The following SYNPO variants were observed in gnomAD, a reference collection of about 807,000 sequenced individuals.
SYNPO encodes synaptopodin.
Under a neutral mutation model 49.5 loss-of-function variants are expected in SYNPO, and 19 were observed. That is an observed-to-expected ratio of 0.38 (90% confidence interval 0.27 to 0.56). The LOEUF is 0.56. Among genes scored for constraint, SYNPO ranks in the 20% least tolerant of loss-of-function variants. SYNPO has a pLI of 0.68. For synonymous variants in SYNPO, 536 were observed against 548.0 expected (o/e 0.98, Z 0.31); for missense variants, 1,131 against 1,248.3 (o/e 0.91, Z 1.42).
chr5:150,649,663 C>A lies in SYNPO; in HGVS notation c.1388C>A (p.Ala463Asp), dbSNP rs1758277668. Reference protein sequence around the residue: ...ASCLKSPRIQAKPKPKPNQNL... With the variant: ...ASCLKSPRIQDKPKPKPNQNL... The stretch of plus-strand genomic sequence containing the variant: ...TGCCTCAAGTCACCCCGCATCCAGG[C>A]CAAGCCGAAGCCCAAACCCAACCAG... The change falls in exon 2 of 3, where the codon GCC becomes GAC. Residue 463 changes from alanine to aspartate, a missense_variant. Physicochemically the swap from Ala to Asp is moderately radical, Grantham distance 126 (BLOSUM62 -2). Transcript: ENST00000307662. The A allele has an allele frequency of 3.7e-6, 6 of 1,609,894 alleles. No homozygotes were observed. Among genetic ancestry groups the A allele is most frequent in the Non-Finnish European group, 5.1e-6 (6 of 1,179,960 alleles).
rs546238751 is a variant in SYNPO at position 150,649,609 on chromosome 5, CGGA to C, written c.1340_1342del (p.Glu447del). Reference sequence around the variant, plus strand: ...CGTGACAGGGCCAGCCCCGCGGCGGCGGAGGAGGTGGTACCAGAGTGGGCCTCC... The same window carrying C: ...CGTGACAGGGCCAGCCCCGCGGCGGCGGAGGTGGTACCAGAGTGGGCCTCC... On this transcript the variant is annotated inframe_deletion, in exon 2 of 3. Coordinates refer to ENST00000307662, the MANE Select transcript of SYNPO (RefSeq NM_007286.6). 5 of 1,608,898 alleles carry C rather than the reference CGGA, an allele frequency of 3.1e-6. No homozygotes were observed. In the South Asian group the frequency reaches 5.5e-5, roughly 18 times the overall value.
rs754461632 is a variant in SYNPO at position 150,650,157 on chromosome 5, G to A, written c.1882G>A (p.Gly628Ser). 3.0e-5 allele frequency: 48 copies of A among 1,613,650 alleles called. No homozygotes were observed. Among genetic ancestry groups the A allele is most frequent in the African/African-American group, 6.7e-5 (5 of 74,920 alleles). Residue 628 changes from glycine to serine, a missense_variant, in exon 2 of 3, where the codon GGC (glycine) becomes AGC (serine). Physicochemically the swap from Gly to Ser is moderately conservative, Grantham distance 56. Coordinates refer to ENST00000307662, the MANE Select transcript of SYNPO (RefSeq NM_007286.6). ...RSSPGLYTSP[G>S]QDSLQPTAVS... ...CTCACCGGGCCTCTACACCTCCCCC[G>A]GCCAGGACAGCCTGCAGCCCACTGC...
At chr5:150,615,177 C>T (rs1288080303) in intron 1 of SYNPO, 14 of 152,210 alleles carry the variant, frequency 9.2e-5, no homozygotes, top group Admixed American at 9.2e-4. Flanking sequence ...CCAAGCTCCC[C>T]GACTGGGTTG....
In SYNPO at chr5:150,648,062, C is replaced by G; in HGVS notation, c.-214C>G. The stretch of plus-strand genomic sequence containing the variant: ...GCTCCAATTCCCGTGGCGTCCAGCT[C>G]TTCAACAGGCGCCGGCAGAGGGTGA... On this transcript the variant is annotated 5_prime_UTR_variant, in exon 2 of 3. Coordinates refer to ENST00000307662, the MANE Select transcript of SYNPO (RefSeq NM_007286.6). This position sits in a 1 kb window ranked among gnomAD's most constrained non-coding sequence, Gnocchi z 5.0. 6.4e-7 allele frequency: 1 copy of G among 1,551,830 alleles called. No homozygotes were observed. The highest frequency in any genetic ancestry group is 8.7e-7 in the Non-Finnish European group (1 of 1,147,004).
chr5:150,603,458 C>G (rs1045144996), intron 1 of SYNPO, among the ~76,000 whole-genome samples: 5 of 152,244 alleles, frequency 3.3e-5, no homozygotes, highest in Middle Eastern at 3.2e-3. Context: ...CCCTCACCCT[C>G]CTCCCTTTCT....
chr5:150,648,292 A>G lies in SYNPO; in HGVS notation c.17A>G (p.Glu6Gly), dbSNP rs763556481. ...GGCCACAGCATGGAGGGGTACTCAG[A>G]GGAGGCTAGCTTGCTGCGGCACCTG... MEGYS[E>G]EASLLRHLEK... Residue 6 changes from glutamate to glycine, a missense_variant, in exon 2 of 3, where the codon GAG (glutamate) becomes GGG (glycine). By Grantham distance (98) the Glu-to-Gly change is moderately conservative. Around this residue, in one of 4 missense-constraint regions of SYNPO, gnomAD observed 16 missense variants for 20.9 expected, o/e 0.77. Transcript: ENST00000307662. The surrounding 1 kb of genome is among the most constrained non-coding windows in gnomAD (Gnocchi z 5.0). The G allele has an allele frequency of 1.5e-5, 25 of 1,614,196 alleles. No individual in the cohort carries two copies. The highest frequency in any genetic ancestry group is 2.1e-5 in the Non-Finnish European group (25 of 1,180,024).
chr5:150,637,604 G>A (rs191341095), upstream of SYNPO, among the ~76,000 whole-genome samples: 98 of 152,336 alleles, frequency 6.4e-4, no homozygotes, highest in East Asian at 0.017. Context: ...GGGGTTGGGG[G>A]CAGGTTTGTC....
At chr5:150,618,192 C>T (rs373967402) in exon 2 of SYNPO, 9 of 725,406 alleles carry the variant, frequency 1.2e-5, no homozygotes, top group African/African-American at 3.6e-5. Flanking sequence ...ACTTATCTTT[C>T]GTCTCAGCCA....
At position 150,649,020 on chromosome 5, in the gene SYNPO, G is replaced by A. The variant is rs138102891; in HGVS notation, c.745G>A (p.Gly249Arg). ...CAGGCCTTTTGGGATCCAGGCGCCA[G>A]GGGGCACCAGCCAGATGGAGAGGAG... ...TARPFGIQAPGGTSQMERSPM... is the reference protein window; with the variant it reads ...TARPFGIQAPRGTSQMERSPM... Residue 249 changes from glycine to arginine, a missense_variant, in exon 2 of 3, where the codon GGG (glycine) becomes AGG (arginine). Gly to Arg is a moderately radical substitution (Grantham distance 125). Transcript: ENST00000307662. The A allele has an allele frequency of 4.2e-5, 68 of 1,614,220 alleles. No individual in the cohort carries two copies. In the African/African-American group the frequency reaches 8.3e-4, roughly 20 times the overall value.
At chr5:150,601,500 C>T (rs141057939) in intron 1 of SYNPO, among the ~76,000 whole-genome samples, 12 of 152,238 alleles carry the variant, frequency 7.9e-5, no homozygotes, top group South Asian at 4.1e-4. Flanking sequence ...CAGGAGGGCT[C>T]GGGGTCATTT....
Position 150,648,180 on chromosome 5 carries a change from C to G in SYNPO, c.-96C>G. The G allele has an allele frequency of 6.4e-7, 1 of 1,571,812 alleles. No individual in the cohort carries two copies. Among genetic ancestry groups the G allele is most frequent in the South Asian group, 1.2e-5 (1 of 86,508 alleles). ...CCCTTCAAGCCTCCCAGGCCATGCA[C>G]CGGGGCTCAGCCTGAGTTCCACCTC... On this transcript the variant is annotated 5_prime_UTR_variant, in exon 2 of 3. Transcript: ENST00000307662. This position sits in a 1 kb window ranked among gnomAD's most constrained non-coding sequence, Gnocchi z 5.0.
At chr5:150,602,884 G>A (rs892558283) in intron 1 of SYNPO, among the ~76,000 whole-genome samples, 1 of 152,072 alleles carries the variant, frequency 6.6e-6, no homozygotes, top group Non-Finnish European at 1.5e-5. Context: ...GGTTTTGACT[G>A]TCTAGGGCCT....
chr5:150,593,552 C>T, the SYNPO span, among the ~76,000 whole-genome samples: 1 of 152,114 alleles, frequency 6.6e-6, no homozygotes, highest in East Asian at 1.9e-4. Context: ...ACCTCTGCCT[C>T]CCACACTCAA....
intron 1 of SYNPO, 132 bp downstream of exon 1, chr5:150,640,986 C>CT: frequency 2.4e-6 from 1 of 418,912 alleles, no homozygotes; most frequent in Non-Finnish European, 3.2e-6. Context: ...TTCTGCCAGC[C>CT]TGTGAGTGGT....
intron 1 of SYNPO, among the ~76,000 whole-genome samples, chr5:150,601,343 A>G (rs1350356774): frequency 6.6e-6 from 1 of 151,902 alleles, no homozygotes; most frequent in Admixed American, 6.5e-5. Context: ...GCTGTCTGGG[A>G]CGGAAATGCC....
chr5:150,621,905 C>G (rs1462019307), intron 2 of SYNPO, among the ~76,000 whole-genome samples: 1 of 138,694 alleles, frequency 7.2e-6, no homozygotes, highest in Non-Finnish European at 1.6e-5. Flanking sequence ...TCAGCCAACA[C>G]TAGGGCCCCC....
intron 2 of SYNPO, among the ~76,000 whole-genome samples, chr5:150,621,602 C>T (rs1430822082): frequency 6.6e-6 from 1 of 152,200 alleles, no homozygotes; most frequent in Non-Finnish European, 1.5e-5. Context: ...TGAGCATCTT[C>T]AAACAATTAC....
chr5:150,606,888 G>A (rs1756709268), intron 1 of SYNPO, among the ~76,000 whole-genome samples: 1 of 152,200 alleles, frequency 6.6e-6, no homozygotes, highest in African/African-American at 2.4e-5. Context: ...CTATCCTCCA[G>A]CCCTTCCCTG....
upstream of SYNPO, among the ~76,000 whole-genome samples, chr5:150,636,765 A>T (rs1473364283): frequency 7.0e-6 from 1 of 142,984 alleles, no homozygotes; most frequent in African/African-American, 2.6e-5. Flanking sequence ...GCTAGAAGTG[A>T]CATGGGGATC....
Sources: gnomAD v4.1 joint callset for allele counts (sites outside exome capture counted in the v4.1 genomes callset) on GRCh38, gnomAD v4.1.1 for gene constraint, gnomAD v4.1.1 regional missense constraint, Gnocchi (gnomAD v3.1) non-coding constraint, MANE v1.5 for transcripts, NCBI Gene and HGNC (gene_info 2026-07-23, HGNC 2026-07-21) for gene names.